Variants in HELZ observed in about 807,000 individuals in gnomAD.
HELZ encodes the protein ATP-dependent RNA helicase with zinc finger domain.
A neutral mutation model predicts 218.2 loss-of-function variants in HELZ; 23 were observed. That is an observed-to-expected ratio of 0.11 (90% CI 0.08 to 0.15). The LOEUF is 0.15. Ranked by LOEUF, HELZ falls within the 10% of genes least tolerant of loss-of-function variation. The pLI, the probability that HELZ is intolerant of heterozygous loss-of-function variation, is 1.00. For synonymous variants in HELZ, 814 were observed against 829.4 expected, an observed-to-expected ratio of 0.98 and a Z score of 0.32; for missense variants, 1,813 against 2,353.7, an observed-to-expected ratio of 0.77 and a Z score of 4.75.
chr17:67,158,441 G>A (rs1377801386), intron 17 of HELZ, among the ~76,000 whole-genome samples: 1 of 152,158 alleles, frequency 6.6e-6, no homozygotes, highest in East Asian at 1.9e-4. Flanking sequence ...ATGAGTTAAT[G>A]TAATAATAGT....
intron 5 of HELZ, among the ~76,000 whole-genome samples, chr17:67,209,830 C>T (rs778708932): frequency 4.6e-5 from 7 of 152,110 alleles, no homozygotes; most frequent in Non-Finnish European, 1.0e-4. Flanking sequence ...GAGGGCCCAA[C>T]CCTGTGACAA....
chr17:67,191,559 C>T (rs577393777), intron 9 of HELZ, among the ~76,000 whole-genome samples: 1 of 152,154 alleles, frequency 6.6e-6, no homozygotes, highest in East Asian at 1.9e-4. Context: ...TCAAGGGATG[C>T]TCCTGCCTCA....
rs542400660 is a variant in HELZ, at chr17:67,116,228, A to G, written c.3839-1825T>C. Among the ~76,000 whole-genome samples, 4 of 152,154 alleles carry G rather than the reference A, an allele frequency of 2.6e-5. No individual in the cohort carries two copies. In the East Asian group the frequency reaches 7.7e-4, roughly 29 times the overall value. The stretch of plus-strand genomic sequence containing the variant: ...GAGTCATTAAAAAAAAAAATACTCT[A>G]CCAATCCAGAAGAGGGCAGAATAAA... On this transcript the variant is annotated intron_variant, in intron 27 of 32. Coordinates refer to ENST00000358691, the MANE Select transcript of HELZ (RefSeq NM_014877.4).
In HELZ at chr17:67,136,031, C is replaced by A. The variant is rs1224111369; in HGVS notation, c.3121G>T (p.Ala1041Ser). 1 of 1,613,900 alleles carries A rather than the reference C, an allele frequency of 6.2e-7. No homozygotes were observed. Among genetic ancestry groups the A allele is most frequent in the Non-Finnish European group, 8.5e-7 (1 of 1,179,912 alleles). The change falls in exon 23 of 33, where the codon GCA becomes TCA. Residue 1041 changes from alanine to serine, a missense_variant. Ala to Ser is a moderately conservative substitution (Grantham distance 99). This residue lies in a region of HELZ where 156 missense variants were observed against 274.4 expected (regional missense o/e 0.57). Transcript: ENST00000358691. ...CCCACCACAGCAACCAGGGATTGTGCTCTTGTGATGGCAGTATTGAGAAGC... is the reference window on the plus strand; with the variant it reads ...CCCACCACAGCAACCAGGGATTGTGATCTTGTGATGGCAGTATTGAGAAGC... Reference protein sequence around the residue: ...YKLLNTAITRAQSLVAVVGDP... With the variant: ...YKLLNTAITRSQSLVAVVGDP...
chr17:67,242,800 AT>A (rs1015312515), intron 2 of HELZ, among the ~76,000 whole-genome samples: 2 of 151,676 alleles, frequency 1.3e-5, no homozygotes, highest in Admixed American at 1.3e-4. Flanking sequence ...CTAAGTTTTT[AT>A]TTTTTTAAGG....
intron 31 of HELZ, among the ~76,000 whole-genome samples, chr17:67,090,969 T>A (rs2036558578): frequency 6.6e-6 from 1 of 152,098 alleles, no homozygotes; most frequent in African/African-American, 2.4e-5. Context: ...AAGTTTTGAT[T>A]ATTGATCTGA....
chr17:67,090,900 C>T (rs1013802477), intron 31 of HELZ, among the ~76,000 whole-genome samples: 5 of 151,742 alleles, frequency 3.3e-5, no homozygotes, highest in Admixed American at 6.6e-5. Flanking sequence ...TTTGAAATTC[C>T]CTTCCCTCTG....
At chr17:67,200,251 A>G (rs8074407) in intron 7 of HELZ, among the ~76,000 whole-genome samples, 13,904 of 152,222 alleles carry the variant, frequency 0.091, 1,673 homozygotes, top group African/African-American at 0.28. Context: ...ATGAAGAAGA[A>G]AAATTTGAGA....
In HELZ at chr17:67,077,531, T is replaced by C. The variant is rs1000030591; in HGVS notation, c.*721A>G. On this transcript the variant is annotated 3_prime_UTR_variant, in exon 33 of 33. Coordinates refer to ENST00000358691, the MANE Select transcript of HELZ (RefSeq NM_014877.4). ...TATCAAATTAACATTAAAAACAAGC[T>C]TGAAGTGTAGCTTGTCCAAAAAATA... The C allele has an allele frequency of 6.6e-6, 1 of 152,292 alleles. No homozygotes were observed. Among genetic ancestry groups the C allele is most frequent in the African/African-American group, 2.4e-5 (1 of 41,394 alleles). The allele number at this position is 152,292 out of a possible 1,614,324, so 9.4% of individuals were successfully genotyped here.
chr17:67,121,268 C>T (rs2037600846), intron 26 of HELZ, among the ~76,000 whole-genome samples: 1 of 152,128 alleles, frequency 6.6e-6, no homozygotes, highest in Non-Finnish European at 1.5e-5. Flanking sequence ...AGCTACTGCT[C>T]CTATTATTTT....
Position 67,076,915 on chromosome 17 carries a change from A to G in HELZ, c.*1337T>C, listed in dbSNP as rs567568359. ...ACCTCTGAAATATAAAAGTAGTATT[A>G]CAAGGTCAGGAAAATAAGGACATAT... is the stretch of plus-strand genomic sequence containing the variant. On this transcript the variant is annotated 3_prime_UTR_variant, in exon 33 of 33. Coordinates refer to ENST00000358691, the MANE Select transcript of HELZ (RefSeq NM_014877.4). The G allele has an allele frequency of 6.6e-6, 1 of 152,278 alleles. No homozygotes were observed. The highest frequency in any genetic ancestry group is 2.1e-4 in the South Asian group (1 of 4,824). The allele number at this position is 152,278 out of a possible 1,614,324, so 9.4% of individuals were successfully genotyped here.
intron 5 of HELZ, among the ~76,000 whole-genome samples, chr17:67,215,349 C>CT (rs773776900): frequency 0.15 from 20,199 of 136,570 alleles, 1,727 homozygotes; most frequent in East Asian, 0.19. Flanking sequence ...GCTATTCAAA[C>CT]TTTTTTTTTT....
In HELZ at chr17:67,224,724, A is replaced by G. The variant is rs1325945773; in HGVS notation, c.-18-5902T>C. On this transcript the variant is annotated intron_variant, in intron 3 of 32. Coordinates refer to ENST00000358691, the MANE Select transcript of HELZ (RefSeq NM_014877.4). Reference sequence around the variant, plus strand: ...GTTTCCATGCCCATAGTGCTCATGCAAACATGGTGAACGTTGCTAAAACCC... The same window carrying G: ...GTTTCCATGCCCATAGTGCTCATGCGAACATGGTGAACGTTGCTAAAACCC... The G allele has an allele frequency of 3.0e-6, 3 of 990,018 alleles. No individual in the cohort carries two copies. The Admixed American group carries it at 5.3e-5, about 17-fold the overall frequency. The allele number at this position is 990,018 out of a possible 1,614,324, so 61.3% of individuals were successfully genotyped here.
Position 67,086,996 on chromosome 17 carries a change from G to T in HELZ, c.5327C>A (p.Thr1776Asn). The change falls in exon 32 of 33, where the codon ACT becomes AAT. Residue 1776 changes from threonine to asparagine, a missense_variant. Thr to Asn is a moderately conservative substitution (Grantham distance 65, BLOSUM62 0). This residue lies in a region of HELZ where 938 missense variants were observed against 1,027.5 expected (regional missense o/e 0.91). Coordinates refer to ENST00000358691, the MANE Select transcript of HELZ (RefSeq NM_014877.4). ...ACACTGAGCCAGACTGTCTTGAGGA[G>T]TGCTTACTTCTTCAGAACAAGGTTG... ...SVQPCSEEVSTPQDSLAQCKE... is the reference protein window; with the variant it reads ...SVQPCSEEVSNPQDSLAQCKE... The T allele has an allele frequency of 2.5e-6, 4 of 1,614,038 alleles. No individual in the cohort carries two copies. The highest frequency in any genetic ancestry group is 3.4e-6 in the Non-Finnish European group (4 of 1,180,014).
At chr17:67,153,306 T>C (rs555607418) in intron 17 of HELZ, among the ~76,000 whole-genome samples, 2 of 151,878 alleles carry the variant, frequency 1.3e-5, no homozygotes, top group African/African-American at 4.8e-5. Context: ...AGAGGAGAGG[T>C]TGGCCCCTAG....
In HELZ at chr17:67,071,653, C is replaced by T. The variant is rs189984398; in HGVS notation, c.*6599G>A. ...AACCAGAAGCAGAGCCCAGTACCCC[C>T]CAAGATGCAGTCCAGATAAAACAGC... On this transcript the variant is annotated 3_prime_UTR_variant, in exon 33 of 33. Coordinates refer to ENST00000358691, the MANE Select transcript of HELZ (RefSeq NM_014877.4). 2.6e-5 allele frequency: 4 copies of T among 152,142 alleles called. No individual in the cohort carries two copies. The highest frequency in any genetic ancestry group is 9.7e-5 in the African/African-American group (4 of 41,418). 9.4% of individuals were successfully genotyped at this position (152,142 alleles called of 1,614,324 possible). A position where few individuals can be genotyped will look rare whatever the true frequency, so the allele number is the denominator to read the frequency against.
chr17:67,085,891 A>G (rs747235934), intron 32 of HELZ, among the ~76,000 whole-genome samples: 2 of 152,252 alleles, frequency 1.3e-5, no homozygotes, highest in Non-Finnish European at 2.9e-5. Flanking sequence ...TAGATTTTCC[A>G]TCATACAAGT....
intron 17 of HELZ, among the ~76,000 whole-genome samples, chr17:67,151,574 TC>T (rs1197438645): frequency 6.6e-6 from 1 of 152,228 alleles, no homozygotes; most frequent in African/African-American, 2.4e-5. Context: ...TCTGGAATTA[TC>T]TTTTTCTAGA....
intron 16 of HELZ, among the ~76,000 whole-genome samples, chr17:67,160,656 T>C (rs182259123): frequency 8.3e-4 from 126 of 152,334 alleles, no homozygotes; most frequent in African/African-American, 3.0e-3. Flanking sequence ...CTTGTTCTGA[T>C]GGCTATTTAA....
Sources: allele counts gnomAD v4.1 joint callset (sites outside exome capture counted in the v4.1 genomes callset), GRCh38; gene constraint gnomAD v4.1.1; regional missense constraint gnomAD v4.1.1; transcripts MANE v1.5; gene names NCBI Gene and HGNC (gene_info 2026-07-23, HGNC 2026-07-21).